Variants in SYT1 observed in about 807,000 individuals in gnomAD.
The protein encoded by SYT1 is synaptotagmin-1.
Under a neutral mutation model 44.8 loss-of-function variants are expected in SYT1, and 8 were observed. The observed-to-expected ratio is 0.18, with a 90% CI of 0.10 to 0.32. SYT1 has a LOEUF of 0.32. Among genes scored for constraint, SYT1 ranks in the 10% least tolerant of loss-of-function variants. The pLI, the probability that SYT1 is intolerant of heterozygous loss-of-function variation, is 1.00. For missense variants in SYT1, 286 were observed against 509.3 expected (o/e 0.56, Z 4.22); for synonymous variants, 154 against 188.8 (o/e 0.82, Z 1.51).
rs1001260067 is a variant in SYT1, at chr12:78,946,636, A to T, written c.-216-31163A>T. 2.0e-5 allele frequency among the ~76,000 whole-genome samples: 3 copies of T among 151,956 alleles called. No individual in the cohort carries two copies. In the South Asian group the frequency reaches 6.2e-4, roughly 32 times the overall value. On this transcript the variant is annotated intron_variant, in intron 1 of 10. Transcript: ENST00000261205. Reference sequence around the variant, plus strand: ...TGGGAGGCAGAGGTTGCTGTGAACCAAGATCGTGCCACTGCACTTCAGCCT... The same window carrying T: ...TGGGAGGCAGAGGTTGCTGTGAACCTAGATCGTGCCACTGCACTTCAGCCT...
chr12:78,882,553 C>T (rs1874515792), intron 1 of SYT1, among the ~76,000 whole-genome samples: 1 of 151,598 alleles, frequency 6.6e-6, no homozygotes, highest in African/African-American at 2.4e-5. Context: ...TTCCAAAATT[C>T]CTCCAGAACT....
rs142574437 is a variant in SYT1 at position 79,019,680 on chromosome 12, G to A, written c.-83-27617G>A. On this transcript the variant is annotated intron_variant, in intron 2 of 10. Transcript: ENST00000261205. ...TGGGAGGAGTTAGAAGTGAAGAAAC[G>A]ACCTACAGCATTTATTTATTTATTT... Among the ~76,000 whole-genome samples, 425 of 151,982 alleles carry A rather than the reference G, an allele frequency of 2.8e-3. 2 individuals are homozygous for A. Among genetic ancestry groups the A allele is most frequent in the African/African-American group, 9.3e-3 (385 of 41,514 alleles).
intron 9 of SYT1, among the ~76,000 whole-genome samples, chr12:79,357,870 T>C (rs902799585): frequency 6.6e-6 from 1 of 152,194 alleles, no homozygotes; most frequent in African/African-American, 2.4e-5. Context: ...TGTTTTCTAT[T>C]TGGGAAAATT....
chr12:79,041,954 C>T (rs1260255709), intron 2 of SYT1, among the ~76,000 whole-genome samples: 1 of 152,104 alleles, frequency 6.6e-6, no homozygotes, highest in East Asian at 1.9e-4. Flanking sequence ...TTGAACCAGC[C>T]TTGCATCCCA....
At chr12:79,068,238 A>G (rs1424330919) in intron 3 of SYT1, among the ~76,000 whole-genome samples, 3 of 152,166 alleles carry the variant, frequency 2.0e-5, no homozygotes, top group Non-Finnish European at 4.4e-5. Flanking sequence ...AGACAGCTCT[A>G]TTTCCTGCTT....
intron 1 of SYT1, among the ~76,000 whole-genome samples, chr12:78,949,818 G>A (rs747417324): frequency 7.2e-5 from 11 of 151,876 alleles, no homozygotes; most frequent in Non-Finnish European, 1.3e-4. Flanking sequence ...ATCCCATTAG[G>A]GTGAAAGGAC....
At chr12:79,146,915 A>G (rs1481737904) in intron 3 of SYT1, among the ~76,000 whole-genome samples, 1 of 152,086 alleles carries the variant, frequency 6.6e-6, no homozygotes, top group Non-Finnish European at 1.5e-5. Context: ...ATCTCAGCTC[A>G]CTGCAAGCTC....
intron 1 of SYT1, among the ~76,000 whole-genome samples, chr12:78,887,874 A>T (rs1874833278): frequency 6.6e-6 from 1 of 151,894 alleles, no homozygotes; most frequent in African/African-American, 2.4e-5. Flanking sequence ...TGTATTTCTC[A>T]AGTATAATAT....
intron 8 of SYT1, among the ~76,000 whole-genome samples, chr12:79,342,967 T>C (rs1485301471): frequency 6.6e-6 from 1 of 152,142 alleles, no homozygotes; most frequent in Non-Finnish European, 1.5e-5. Flanking sequence ...TAAAACCATA[T>C]ACTGGGATAA....
At chr12:79,393,096 T>C (rs1884732284) in intron 9 of SYT1, 1 of 152,068 alleles carries the variant, frequency 6.6e-6, no homozygotes, top group African/African-American at 2.4e-5. Context: ...AGAATGATGG[T>C]TTCCAGCTTC....
intron 9 of SYT1, among the ~76,000 whole-genome samples, chr12:79,433,439 C>T (rs768834155): frequency 1.3e-5 from 2 of 152,088 alleles, no homozygotes; most frequent in African/African-American, 2.4e-5. Context: ...GCAATGTTAC[C>T]AAGTAACAGT....
intron 8 of SYT1, among the ~76,000 whole-genome samples, chr12:79,306,254 T>C (rs1241831297): frequency 6.6e-6 from 1 of 152,212 alleles, no homozygotes; most frequent in Non-Finnish European, 1.5e-5. Flanking sequence ...TTTGAGAGAG[T>C]CATCTTTAAA....
At chr12:79,048,602 TC>T (rs1194457638) in intron 3 of SYT1, among the ~76,000 whole-genome samples, 1 of 151,912 alleles carries the variant, frequency 6.6e-6, no homozygotes, top group East Asian at 1.9e-4. Context: ...TAAACAGAAA[TC>T]TATAAAATTT....
intron 8 of SYT1, among the ~76,000 whole-genome samples, chr12:79,331,092 A>G (rs1404728421): frequency 6.6e-6 from 1 of 152,140 alleles, no homozygotes; most frequent in Non-Finnish European, 1.5e-5. Flanking sequence ...CTCACATGCA[A>G]TTGAGAAGTG....
intron 6 of SYT1, among the ~76,000 whole-genome samples, chr12:79,294,490 G>A (rs1447471983): frequency 2.0e-5 from 3 of 152,056 alleles, no homozygotes; most frequent in South Asian, 4.1e-4. Flanking sequence ...TAATTAAGAC[G>A]CTTTCATGGT....
At chr12:79,385,367 T>C (rs1565936224) in intron 9 of SYT1, among the ~76,000 whole-genome samples, 1 of 152,196 alleles carries the variant, frequency 6.6e-6, no homozygotes, top group Admixed American at 6.5e-5. Flanking sequence ...ATAAGGATTG[T>C]ATAATCAGTT....
chr12:79,387,918 G>T (rs1416283816), intron 9 of SYT1, among the ~76,000 whole-genome samples: 2 of 152,196 alleles, frequency 1.3e-5, no homozygotes, highest in Non-Finnish European at 1.5e-5. Context: ...ACAAATAATT[G>T]CTGGGAGTTA....
chr12:79,032,835 G>C (rs750434406), intron 2 of SYT1, among the ~76,000 whole-genome samples: 83 of 151,126 alleles, frequency 5.5e-4, no homozygotes, highest in Non-Finnish European at 9.0e-4. Flanking sequence ...AAATCACAAC[G>C]CTAAGGGATT....
intron 3 of SYT1, among the ~76,000 whole-genome samples, chr12:79,102,072 A>G (rs1878475965): frequency 6.6e-6 from 1 of 152,114 alleles, no homozygotes; most frequent in Admixed American, 6.5e-5. Flanking sequence ...CTTTTTTAGA[A>G]ACCTTGCATT....
Sources: gnomAD v4.1 joint callset for allele counts (sites outside exome capture counted in the v4.1 genomes callset) on GRCh38, gnomAD v4.1.1 for gene constraint, MANE v1.5 for transcripts, NCBI Gene and HGNC (gene_info 2026-07-23, HGNC 2026-07-21) for gene names.